The following IFT122 variants were observed in gnomAD, a reference collection of about 807,000 sequenced individuals.
IFT122 encodes intraflagellar transport 122, also known as intraflagellar transport protein 122 homolog.
Under a neutral mutation model 161.6 loss-of-function variants are expected in IFT122, and 118 were observed. The observed-to-expected ratio is 0.73, with a 90% CI of 0.63 to 0.85. The LOEUF is 0.85. Ranked by LOEUF, IFT122 falls within the 40% of genes least tolerant of loss-of-function variation. The pLI, the probability that IFT122 is intolerant of heterozygous loss-of-function variation, is 0.00. For synonymous variants in IFT122, 550 were observed against 602.4 expected (o/e 0.91, Z 1.27); for missense variants, 1,381 against 1,579.6 (o/e 0.87, Z 2.13).
At chr3:129,465,111 ATGAGTGTGT>A (rs2076580605) in intron 7 of IFT122, among the ~76,000 whole-genome samples, 1 of 96,438 alleles carries the variant, frequency 1.0e-5, no homozygotes, top group Non-Finnish European at 2.1e-5. Flanking sequence ...GTACATGTAT[ATGAGTGTGT>A]GTGTGTGTGT....
At chr3:129,515,065 AC>A (rs753208637) in intron 25 of IFT122, 2 of 374,382 alleles carry the variant, frequency 5.3e-6, no homozygotes, top group Admixed American at 7.9e-5. Context: ...TCCCGGCTCC[AC>A]CCTCTCCTAG....
At chr3:129,498,601 T>C (rs926230281) in intron 18 of IFT122, among the ~76,000 whole-genome samples, 4 of 152,170 alleles carry the variant, frequency 2.6e-5, no homozygotes, top group African/African-American at 7.2e-5. Context: ...GTATCATATA[T>C]TAGGCCGACC....
At chr3:129,509,843 A>G (rs1394033873) in intron 23 of IFT122, among the ~76,000 whole-genome samples, 1 of 152,194 alleles carries the variant, frequency 6.6e-6, no homozygotes, top group Non-Finnish European at 1.5e-5. Context: ...CTCACACACA[A>G]ATGACACTGT....
intron 1 of IFT122, among the ~76,000 whole-genome samples, chr3:129,446,862 T>A (rs918279104): frequency 1.3e-5 from 2 of 152,200 alleles, no homozygotes; most frequent in African/African-American, 4.8e-5. Context: ...TGGGTTTTGT[T>A]TTTTTGTTGT....
intron 5 of IFT122, chr3:129,462,995 T>G (rs1439788128): frequency 6.5e-6 from 1 of 154,254 alleles, no homozygotes; most frequent in Non-Finnish European, 1.4e-5. Flanking sequence ...AATGAAACTG[T>G]CATTTCTTTG....
At chr3:129,465,114 AGT>A (rs56116340) in intron 7 of IFT122, among the ~76,000 whole-genome samples, 17,743 of 142,098 alleles carry the variant, frequency 0.12, 1,160 homozygotes, top group Non-Finnish European at 0.17. Context: ...CATGTATATG[AGT>A]GTGTGTGTGT....
chr3:129,517,268 G>GCGCGCGCGCGCGCGCGCGCACACACACA (rs1553776447), intron 26 of IFT122, among the ~76,000 whole-genome samples: 20 of 116,998 alleles, frequency 1.7e-4, no homozygotes, highest in African/African-American at 6.2e-4. Context: ...CATTGCTCCT[G>GCGCGCGCGCGCGCGCGCGCACACACACA]CACACACACA....
Position 129,515,578 on chromosome 3 carries a change from A to G in IFT122, c.3244A>G (p.Ile1082Val), listed in dbSNP as rs143490747. 1.9e-4 allele frequency: 280 copies of G among 1,503,518 alleles called. No homozygotes were observed. In the African/African-American group the frequency reaches 3.7e-3, roughly 20 times the overall value. The allele number at this position is 1,503,518 out of a possible 1,614,324, so 93.1% of individuals were successfully genotyped here. ...NVCINCRQPF[I>V]FSASSYDVLH... The stretch of plus-strand genomic sequence containing the variant: ...CTGCATCAACTGCCGCCAGCCCTTC[A>G]TCTTCTCCGCCTCTTCCTACGGTGA... The change falls in exon 26 of 30, where the codon ATC (isoleucine) becomes GTC (valine). Residue 1082 changes from isoleucine (I) to valine (V), a missense_variant. By Grantham distance (29) the Ile-to-Val change is conservative (BLOSUM62 3). This residue lies in a region of IFT122 where 20 missense variants were observed against 54.2 expected (regional missense o/e 0.37). Coordinates refer to ENST00000348417, the MANE Select transcript of IFT122 (RefSeq NM_052989.3).
At chr3:129,484,766 A>G (rs557234686) in intron 15 of IFT122, among the ~76,000 whole-genome samples, 44 of 152,220 alleles carry the variant, frequency 2.9e-4, no homozygotes, top group Non-Finnish European at 4.7e-4. Flanking sequence ...AGTAAATGGT[A>G]AATGTTCTTA....
At chr3:129,468,126 C>T (rs1489260516) in intron 8 of IFT122, among the ~76,000 whole-genome samples, 1 of 152,192 alleles carries the variant, frequency 6.6e-6, no homozygotes, top group Non-Finnish European at 1.5e-5. Context: ...TCATTAACAT[C>T]CCTCTCGGTC....
In IFT122 at chr3:129,519,627, CCGCCG is replaced by C; in HGVS notation, c.3532_3536del (p.Arg1178GlyfsTer22). ...GCCGGCTGGTGCTGCGCTCCATGAGCCGCCGGGATGTCCTCATCAAGCGATGGCCC... is the reference window on the plus strand; with the variant it reads ...GCCGGCTGGTGCTGCGCTCCATGAGCGGATGTCCTCATCAAGCGATGGCCC... On this transcript the variant is annotated frameshift_variant, in exon 29 of 30. Transcript: ENST00000348417. LOFTEE classifies it high-confidence loss of function. 1 of 1,613,622 alleles carries C rather than the reference CCGCCG, an allele frequency of 6.2e-7. No homozygotes were observed. The highest frequency in any genetic ancestry group is 8.5e-7 in the Non-Finnish European group (1 of 1,180,032).
intron 12 of IFT122, among the ~76,000 whole-genome samples, chr3:129,479,255 C>CA (rs547629384): frequency 0.026 from 2,110 of 80,844 alleles, 23 homozygotes; most frequent in South Asian, 0.049. Flanking sequence ...CCATCTCCAC[C>CA]AAAAAAAAAA....
At chr3:129,451,884 T>C (rs1034540529) in intron 2 of IFT122, 30 bp from the exon 3 acceptor site, 4 of 1,571,828 alleles carry the variant, frequency 2.5e-6, no homozygotes, top group Non-Finnish European at 3.5e-6. Flanking sequence ...AGATATCACA[T>C]AGATAATCTG....
chr3:129,456,151 A>C (rs1371145078), intron 3 of IFT122: 1 of 816,876 alleles, frequency 1.2e-6, no homozygotes, highest in Non-Finnish European at 1.8e-6. Flanking sequence ...TGGGTCATGC[A>C]GCTGGTCAGT....
chr3:129,441,886 GA>G (rs2073194014), intron 1 of IFT122, among the ~76,000 whole-genome samples: 1 of 152,154 alleles, frequency 6.6e-6, no homozygotes, highest in Non-Finnish European at 1.5e-5. Flanking sequence ...GCTGGCAACT[GA>G]ACATTTGGCT....
intron 2 of IFT122, among the ~76,000 whole-genome samples, chr3:129,450,922 G>T (rs914260127): frequency 6.6e-6 from 1 of 151,682 alleles, no homozygotes; most frequent in African/African-American, 2.4e-5. Flanking sequence ...GGGTTTCTCC[G>T]TGTTAGCCAG....
chr3:129,509,315 C>T (rs924617427), intron 23 of IFT122, among the ~76,000 whole-genome samples: 11 of 150,340 alleles, frequency 7.3e-5, no homozygotes, highest in South Asian at 2.2e-4. Context: ...TTGAGTTCTT[C>T]GGCAACTTCT....
intron 13 of IFT122, chr3:129,481,286 C>T (rs1577663640): frequency 1.0e-5 from 5 of 484,642 alleles, no homozygotes; most frequent in Middle Eastern, 6.0e-4. Context: ...GAAGTGAGCT[C>T]GGCCTGTCTC....
intron 15 of IFT122, among the ~76,000 whole-genome samples, chr3:129,484,059 G>A (rs1156939805): frequency 2.6e-5 from 4 of 152,008 alleles, no homozygotes; most frequent in Non-Finnish European, 4.4e-5. Flanking sequence ...TGGTGGTGAT[G>A]TGTGTGTGAG....
Sources: gnomAD v4.1 joint callset for allele counts (sites outside exome capture counted in the v4.1 genomes callset) on GRCh38, gnomAD v4.1.1 for gene constraint, gnomAD v4.1.1 regional missense constraint, MANE v1.5 for transcripts, NCBI Gene and HGNC (gene_info 2026-07-23, HGNC 2026-07-21) for gene names.